The following UBR1 variants were observed in gnomAD, a reference collection of about 807,000 sequenced individuals.
UBR1 encodes ubiquitin protein ligase E3 component n-recognin 1, also known as E3 ubiquitin-protein ligase UBR1.
Under a neutral mutation model 242.1 loss-of-function variants are expected in UBR1, and 102 were observed. The observed-to-expected ratio is 0.42, with a 90% confidence interval of 0.36 to 0.50. The LOEUF is 0.50. Ranked by LOEUF, UBR1 falls within the 20% of genes least tolerant of loss-of-function variation. The probability of loss-of-function intolerance (pLI) is 0.01; values close to 1 mark genes in which losing one functional copy is unlikely to be tolerated. For synonymous variants in UBR1, 675 were observed against 684.8 expected (o/e 0.99, Z 0.22); for missense variants, 1,772 against 2,101.8 (o/e 0.84, Z 3.07).
At chr15:42,988,592 AT>A (rs982894894) in intron 35 of UBR1, 237 of 565,612 alleles carry the variant, frequency 4.2e-4, no homozygotes, top group East Asian at 5.6e-4. Flanking sequence ...TTTTAAAAAT[AT>A]TTTTTTTAAC....
In UBR1 at chr15:43,032,596, T is replaced by C; in HGVS notation, c.2226A>G (p.Glu742=). Residue 742 remains glutamate, a synonymous_variant, in exon 20 of 47, where the codon GAA becomes GAG. Coordinates refer to ENST00000290650, the MANE Select transcript of UBR1 (RefSeq NM_174916.3). The part of the protein sequence containing the change: ...LIKQYNTLIE[E]MLQVLIYIVG... ...CAATATAGATGAGGACCTGAAGCATTTCTTCTATTAGTGTATTATATTGTT... is the reference window on the plus strand; with the variant it reads ...CAATATAGATGAGGACCTGAAGCATCTCTTCTATTAGTGTATTATATTGTT... 6.5e-7 allele frequency: 1 copy of C among 1,542,134 alleles called. No homozygotes were observed. Among genetic ancestry groups the C allele is most frequent in the Non-Finnish European group, 8.9e-7 (1 of 1,119,864 alleles).
Position 42,980,482 on chromosome 15 carries a change from C to T in UBR1, c.4151-2535G>A, listed in dbSNP as rs533828501. On this transcript the variant is annotated intron_variant, in intron 37 of 46. Coordinates refer to ENST00000290650, the MANE Select transcript of UBR1 (RefSeq NM_174916.3). ...CCTGTGCCTCAGTTTTCTCGTAAAT[C>T]GGGAGAATAATTTCCTTGAAGGATG... 4.7e-4 allele frequency among the ~76,000 whole-genome samples: 71 copies of T among 152,228 alleles called. 1 individual carries two copies. The highest frequency in any genetic ancestry group is 1.5e-3 in the African/African-American group (64 of 41,546).
rs267604210 is a variant in UBR1, at chr15:43,015,842, G to A, written c.3055C>T (p.Arg1019Ter). The A allele has an allele frequency of 1.2e-6, 2 of 1,613,744 alleles. No homozygotes were observed. Among genetic ancestry groups the A allele is most frequent in the African/African-American group, 1.3e-5 (1 of 74,866 alleles). Residue 1019 changes from arginine to a stop codon, truncating the protein, a stop_gained, in exon 29 of 47, where the codon CGA (arginine) becomes TGA (stop). Coordinates refer to ENST00000290650, the MANE Select transcript of UBR1 (RefSeq NM_174916.3). LOFTEE classifies it high-confidence loss of function. Reference sequence around the variant, plus strand: ...CTAGCAGCTTCAGCTTTTCTTTTTCGTTCTGCTTTTTCTTTATCATGAGTA... The same window carrying A: ...CTAGCAGCTTCAGCTTTTCTTTTTCATTCTGCTTTTTCTTTATCATGAGTA... ...EITHDKEKAE[R>*]KRKAEAARLH...
At chr15:43,049,170 T>C (rs2033521742) in intron 12 of UBR1, among the ~76,000 whole-genome samples, 1 of 152,198 alleles carries the variant, frequency 6.6e-6, no homozygotes, top group Admixed American at 6.5e-5. Context: ...ATATTGCAGG[T>C]GTTGGGAACA....
At chr15:42,967,566 A>G (rs1434256651) in intron 40 of UBR1, among the ~76,000 whole-genome samples, 1 of 152,116 alleles carries the variant, frequency 6.6e-6, no homozygotes, top group Non-Finnish European at 1.5e-5. Flanking sequence ...TGTGGCAGTT[A>G]AATTATTCTG....
intron 27 of UBR1, among the ~76,000 whole-genome samples, chr15:43,019,131 G>A (rs949916074): frequency 6.6e-6 from 1 of 151,620 alleles, no homozygotes; most frequent in Admixed American, 6.6e-5. Flanking sequence ...GTGTTATCTC[G>A]GCTCACTGCA....
intron 28 of UBR1, 47 bp downstream of exon 28, chr15:43,017,048 A>G (rs2033035133): frequency 6.7e-7 from 1 of 1,484,376 alleles, no homozygotes; most frequent in Non-Finnish European, 9.4e-7. Flanking sequence ...AAGTTCAAAG[A>G]CAGAGATGAA....
At chr15:42,967,516 T>C (rs1217128735) in intron 40 of UBR1, among the ~76,000 whole-genome samples, 1 of 151,634 alleles carries the variant, frequency 6.6e-6, no homozygotes, top group Non-Finnish European at 1.5e-5. Context: ...ACAAAATTAA[T>C]AATTTCCTGG....
intron 1 of UBR1, chr15:43,092,181 T>C: frequency 6.3e-6 from 2 of 314,998 alleles, no homozygotes; most frequent in South Asian, 5.0e-5. Flanking sequence ...ACTAGCTCTC[T>C]GTCCCTCCAC....
At chr15:42,970,381 A>G (rs2032184176) in intron 40 of UBR1, 139 bp downstream of exon 40, 1 of 901,734 alleles carries the variant, frequency 1.1e-6, no homozygotes, top group Non-Finnish European at 1.8e-6. Context: ...GACCTAAACC[A>G]TAAAAACCCT....
chr15:42,966,119 A>T (rs747764772), intron 41 of UBR1, 34 bp downstream of exon 41: 18 of 1,613,884 alleles, frequency 1.1e-5, no homozygotes, highest in Non-Finnish European at 1.0e-5. Context: ...AAAATCTCCC[A>T]TTTTCCACTC....
At position 42,998,094 on chromosome 15, in the gene UBR1, C is replaced by A. The variant is rs533555673; in HGVS notation, c.3757+74G>T. ...CTGTACTTGCAAACCATATTTTAGC[C>A]CAATAATTATTTAAAAAAATAAAGA... On this transcript the variant is annotated intron_variant, in intron 33 of 46. Transcript: ENST00000290650. 168 of 1,302,720 alleles carry A rather than the reference C, an allele frequency of 1.3e-4. No individual in the cohort carries two copies. In the African/African-American group the frequency reaches 2.2e-3, roughly 17 times the overall value. 80.7% of individuals were successfully genotyped at this position (1,302,720 alleles called of 1,614,324 possible). A position where few individuals can be genotyped will look rare whatever the true frequency, so the allele number is the denominator to read the frequency against.
Position 42,958,092 on chromosome 15 carries a change from TAC to T in UBR1, c.4758-4_4758-3del, listed in dbSNP as rs1402083696. The T allele has an allele frequency of 1.9e-6, 3 of 1,610,104 alleles. No homozygotes were observed. The highest frequency in any genetic ancestry group is 3.3e-5 in the Admixed American group (2 of 59,986). On this transcript the variant is annotated splice_polypyrimidine_tract_variant and splice_region_variant and intron_variant, in intron 43 of 46. Transcript: ENST00000290650. ...AAACTATTTCTTTTTCTAGGGTACC[TAC>T]AATGTAATTTAAAAGGCAATTTTAT...
At chr15:43,016,071 T>C (rs999635286) in intron 28 of UBR1, among the ~76,000 whole-genome samples, 43 of 152,326 alleles carry the variant, frequency 2.8e-4, no homozygotes, top group African/African-American at 9.9e-4. Flanking sequence ...ATTTAAATAA[T>C]TTACTGTAAA....
intron 5 of UBR1, among the ~76,000 whole-genome samples, chr15:43,068,771 C>A (rs2033786970): frequency 6.6e-6 from 1 of 152,108 alleles, no homozygotes; most frequent in African/African-American, 2.4e-5. Context: ...CAGGTGCCCA[C>A]CACCACACTT....
intron 38 of UBR1, among the ~76,000 whole-genome samples, chr15:42,977,517 T>C (rs1228496280): frequency 1.3e-5 from 2 of 152,144 alleles, no homozygotes; most frequent in African/African-American, 4.8e-5. Flanking sequence ...CATCACCAAA[T>C]AATTAATGAT....
chr15:42,947,580 G>T (rs2031759113), intron 46 of UBR1, among the ~76,000 whole-genome samples: 1 of 152,056 alleles, frequency 6.6e-6, no homozygotes, highest in African/African-American at 2.4e-5. Context: ...AGCAACTTCA[G>T]CAAAGTCTCA....
chr15:43,031,089 G>A (rs1252911228), intron 20 of UBR1, among the ~76,000 whole-genome samples: 1 of 152,146 alleles, frequency 6.6e-6, no homozygotes, highest in Non-Finnish European at 1.5e-5. Context: ...AAAGTTGGTA[G>A]CAAGGCCAAG....
chr15:43,011,998 G>C, intron 29 of UBR1: 1 of 432,934 alleles, frequency 2.3e-6, no homozygotes, highest in Non-Finnish European at 4.6e-6. Flanking sequence ...AGGCCGAGGT[G>C]GGCGGATCAT....
Sources: gnomAD v4.1 joint callset for allele counts (sites outside exome capture counted in the v4.1 genomes callset) on GRCh38, gnomAD v4.1.1 for gene constraint, MANE v1.5 for transcripts, NCBI Gene and HGNC (gene_info 2026-07-23, HGNC 2026-07-21) for gene names.